Variants in CSGALNACT1 observed in about 807,000 individuals in gnomAD.
The protein encoded by CSGALNACT1 is beta4GalNAcT-1.
CSGALNACT1 carries 52 observed loss-of-function variants against 51.0 expected under a neutral mutation model. The observed-to-expected ratio is 1.02, with a 90% CI of 0.82 to 1.29. The LOEUF (loss-of-function observed/expected upper bound fraction) is 1.29, where lower values mean the gene tolerates loss of function less well. Among genes scored for constraint, CSGALNACT1 ranks in the 50% most tolerant of loss-of-function variants. The pLI, the probability that CSGALNACT1 is intolerant of heterozygous loss-of-function variation, is 0.00. For synonymous variants in CSGALNACT1, 341 were observed against 254.4 expected (o/e 1.34, Z -3.24); for missense variants, 935 against 679.2 (o/e 1.38, Z -4.19).
intron 1 of CSGALNACT1, among the ~76,000 whole-genome samples, chr8:19,733,059 G>A (rs1273655186): frequency 6.6e-6 from 1 of 152,210 alleles, no homozygotes; most frequent in Non-Finnish European, 1.5e-5. Flanking sequence ...AAATGGTACA[G>A]TGCTGAAAGA....
Position 19,416,327 on chromosome 8 carries a change from C to A in CSGALNACT1, c.1227+2329G>T, listed in dbSNP as rs568884670. On this transcript the variant is annotated intron_variant, in intron 8 of 9. Coordinates refer to ENST00000454498, the Ensembl canonical transcript of CSGALNACT1. ...ATGGGGTTTCATCATGTTAGCCAGG[C>A]TGGTCTCGAACTCCTGACCTCATGA... Among the ~76,000 whole-genome samples the A allele has an allele frequency of 3.3e-5, 5 of 152,210 alleles. No homozygotes were observed. In the East Asian group the frequency reaches 7.7e-4, roughly 24 times the overall value.
At chr8:19,463,077 T>G (rs1235948805) in intron 4 of CSGALNACT1, among the ~76,000 whole-genome samples, 1 of 152,198 alleles carries the variant, frequency 6.6e-6, no homozygotes, top group Admixed American at 6.5e-5. Flanking sequence ...CATGTGTTAT[T>G]TGGTTTCCGG....
At chr8:19,546,551 G>A (rs1265183772) in intron 3 of CSGALNACT1, among the ~76,000 whole-genome samples, 1 of 152,154 alleles carries the variant, frequency 6.6e-6, no homozygotes, top group Non-Finnish European at 1.5e-5. Context: ...TTAAACAAAT[G>A]TGGCATCAAA....
At chr8:19,512,526 T>G (rs950587498) in intron 3 of CSGALNACT1, among the ~76,000 whole-genome samples, 2 of 152,356 alleles carry the variant, frequency 1.3e-5, no homozygotes, top group South Asian at 4.1e-4. Flanking sequence ...TACATAAAAA[T>G]GCTATCTCTC....
intron 1 of CSGALNACT1, among the ~76,000 whole-genome samples, chr8:19,729,392 A>G (rs1416383323): frequency 6.6e-6 from 1 of 152,198 alleles, no homozygotes; most frequent in Non-Finnish European, 1.5e-5. Flanking sequence ...CTCTAAGGGT[A>G]GAATTTAAGA....
At chr8:19,576,045 G>A (rs2044132513) in intron 3 of CSGALNACT1, among the ~76,000 whole-genome samples, 1 of 152,090 alleles carries the variant, frequency 6.6e-6, no homozygotes, top group African/African-American at 2.4e-5. Context: ...AGGTAGGTGG[G>A]CCGAGAGACG....
chr8:19,433,726 G>C (rs80001628), intron 6 of CSGALNACT1, among the ~76,000 whole-genome samples: 2,219 of 152,272 alleles, frequency 0.015, 49 homozygotes, highest in African/African-American at 0.051. Context: ...ATGTGGCCCA[G>C]GACAGCTTTG....
chr8:19,680,453 G>C (rs2060513089), intron 1 of CSGALNACT1, among the ~76,000 whole-genome samples: 1 of 151,690 alleles, frequency 6.6e-6, no homozygotes, highest in Non-Finnish European at 1.5e-5. Context: ...CTACCTGGGA[G>C]GCTGAGGCAG....
intron 1 of CSGALNACT1, among the ~76,000 whole-genome samples, chr8:19,743,632 T>C (rs909464542): frequency 1.3e-5 from 2 of 152,246 alleles, no homozygotes; most frequent in African/African-American, 2.4e-5. Context: ...TATCTAAAAA[T>C]ACTCTTTTCA....
intron 8 of CSGALNACT1, among the ~76,000 whole-genome samples, chr8:19,409,310 T>C (rs1208041874): frequency 6.6e-6 from 1 of 152,186 alleles, no homozygotes; most frequent in Non-Finnish European, 1.5e-5. Flanking sequence ...GAAGAAAGAC[T>C]CTGTCCATTC....
At chr8:19,458,532 T>C (rs761966812) in exon 5 of CSGALNACT1, 4 of 1,614,234 alleles carry the variant, frequency 2.5e-6, no homozygotes, top group African/African-American at 1.3e-5. Flanking sequence ...TTCACTTTCA[T>C]GATGGGGCCG....
At chr8:19,482,793 C>G (rs1355462008) in intron 4 of CSGALNACT1, among the ~76,000 whole-genome samples, 1 of 152,192 alleles carries the variant, frequency 6.6e-6, no homozygotes, top group African/African-American at 2.4e-5. Context: ...CCCCTTAGCT[C>G]CAAATTTGAT....
chr8:19,602,995 T>C (rs1176172170), upstream of CSGALNACT1, among the ~76,000 whole-genome samples: 2 of 148,570 alleles, frequency 1.3e-5, no homozygotes, highest in Admixed American at 1.4e-4. Context: ...TATACATACA[T>C]ACACAAATAT....
At chr8:19,694,336 C>T (rs1415585963) in intron 1 of CSGALNACT1, among the ~76,000 whole-genome samples, 3 of 152,210 alleles carry the variant, frequency 2.0e-5, no homozygotes, top group African/African-American at 4.8e-5. Flanking sequence ...TCCCTGGAAG[C>T]TTCTTGTTCT....
At chr8:19,733,641 G>C (rs1388414127) in intron 1 of CSGALNACT1, among the ~76,000 whole-genome samples, 1 of 152,056 alleles carries the variant, frequency 6.6e-6, no homozygotes, top group Admixed American at 6.6e-5. Context: ...AGTGGTCTAT[G>C]TCCTTCTGCT....
intron 1 of CSGALNACT1, among the ~76,000 whole-genome samples, chr8:19,752,547 A>G (rs2065108004): frequency 6.6e-6 from 1 of 152,206 alleles, no homozygotes; most frequent in Non-Finnish European, 1.5e-5. Flanking sequence ...CCATTTTAGT[A>G]ATTTTATTAA....
chr8:19,682,808 C>G (rs1423562280), upstream of CSGALNACT1: 1 of 450,502 alleles, frequency 2.2e-6, no homozygotes, highest in African/African-American at 2.0e-5. Flanking sequence ...TTCCGGCCAG[C>G]ACAGATAACA....
chr8:19,667,008 AAAGAAAGAAAGGAAGGAAGG>A (rs2059374985), intron 1 of CSGALNACT1, among the ~76,000 whole-genome samples: 20 of 31,440 alleles, frequency 6.4e-4, no homozygotes, highest in Admixed American at 4.7e-3. Flanking sequence ...AGAAAGAAAG[AAAGAAAGAAAGGAAGGAAGG>A]AAGGAAGGAA....
chr8:19,626,407 A>G (rs1040171605), intron 1 of CSGALNACT1, among the ~76,000 whole-genome samples: 1 of 152,216 alleles, frequency 6.6e-6, no homozygotes, highest in Non-Finnish European at 1.5e-5. Flanking sequence ...AAAATTTACA[A>G]TCTAAACCAC....
Sources: gnomAD v4.1 joint callset for allele counts (sites outside exome capture counted in the v4.1 genomes callset) on GRCh38, gnomAD v4.1.1 for gene constraint, MANE v1.5 for transcripts, NCBI Gene and HGNC (gene_info 2026-07-23, HGNC 2026-07-21) for gene names.